The following RAPGEF1 variants were observed in gnomAD, a reference collection of about 807,000 sequenced individuals.
RAPGEF1 encodes the protein CRK SH3-binding GNRP.
RAPGEF1 carries 33 observed loss-of-function variants against 143.3 expected under a neutral mutation model. That is an observed-to-expected ratio of 0.23 (90% CI 0.17 to 0.31). The LOEUF is 0.31. RAPGEF1 is among the 10% of genes least tolerant of loss of function. The pLI is 1.00. For missense variants in RAPGEF1, 1,199 were observed against 1,645.4 expected, an observed-to-expected ratio of 0.73 and a Z score of 4.69; for synonymous variants, 629 against 676.5, an observed-to-expected ratio of 0.93 and a Z score of 1.09.
chr9:131,600,902 T>TC (rs1956157425), intron 15 of RAPGEF1, among the ~76,000 whole-genome samples: 1 of 152,086 alleles, frequency 6.6e-6, no homozygotes, highest in Admixed American at 6.6e-5. Flanking sequence ...ACGCCTGTAA[T>TC]CCCAGCACTT....
chr9:131,588,713 G>T, intron 20 of RAPGEF1, 88 bp downstream of exon 20: 1 of 1,360,534 alleles, frequency 7.4e-7, no homozygotes, highest in South Asian at 1.4e-5. Flanking sequence ...AACCAGGATG[G>T]GGCTGTGGGG....
intron 4 of RAPGEF1, among the ~76,000 whole-genome samples, chr9:131,639,467 T>TGTGTGA (rs1233904740): frequency 2.0e-4 from 28 of 143,334 alleles, no homozygotes; most frequent in African/African-American, 5.5e-4. Context: ...TGTGTGTGTG[T>TGTGTGA]GAGAGAGAGA....
At chr9:131,688,350 T>C (rs78323150) in intron 1 of RAPGEF1, among the ~76,000 whole-genome samples, 2,538 of 152,324 alleles carry the variant, frequency 0.017, 61 homozygotes, top group African/African-American at 0.044. Flanking sequence ...CAATTCACTG[T>C]TTATACATAA....
rs1203959931 is a variant in RAPGEF1 at position 131,638,687 on chromosome 9, T to C, written c.599A>G (p.Glu200Gly). The change falls in exon 5 of 27, where the codon GAG (glutamate) becomes GGG (glycine). Residue 200 changes from glutamate (E) to glycine (G), a missense_variant. Glu to Gly is a moderately conservative substitution (Grantham distance 98). Transcript: ENST00000683357. ...MLEGVNSEDK[E>G]MVTTVKGVIK... ...GACCCCCTTCACAGTCGTCACCATC[T>C]CCTTGTCTTCTGAGTTCACGCCTTC... The C allele has an allele frequency of 6.2e-7, 1 of 1,613,994 alleles. No homozygotes were observed. Among genetic ancestry groups the C allele is most frequent in the Admixed American group, 1.7e-5 (1 of 60,022 alleles).
At chr9:131,632,130 T>C (rs1364343931) in intron 5 of RAPGEF1, among the ~76,000 whole-genome samples, 1 of 145,688 alleles carries the variant, frequency 6.9e-6, no homozygotes, top group Admixed American at 6.9e-5. Flanking sequence ...ATTGAGACTC[T>C]CTCTTTTTTT....
At chr9:131,633,239 C>T (rs559138396) in intron 5 of RAPGEF1, among the ~76,000 whole-genome samples, 1 of 152,322 alleles carries the variant, frequency 6.6e-6, no homozygotes, top group South Asian at 2.1e-4. Flanking sequence ...GGAGAGACTA[C>T]ACAATCAGTG....
At chr9:131,586,217 C>T (rs572685418) in intron 22 of RAPGEF1, among the ~76,000 whole-genome samples, 1 of 148,304 alleles carries the variant, frequency 6.7e-6, no homozygotes, top group Non-Finnish European at 1.5e-5. Flanking sequence ...CACGCACGCA[C>T]ACACACACAC....
intron 12 of RAPGEF1, among the ~76,000 whole-genome samples, chr9:131,608,691 C>T (rs1957510344): frequency 6.6e-6 from 1 of 152,202 alleles, no homozygotes; most frequent in East Asian, 1.9e-4. Context: ...GGAAAGGTAC[C>T]TTCACGGGGC....
chr9:131,654,544 T>C (rs1971957060), intron 1 of RAPGEF1, among the ~76,000 whole-genome samples: 1 of 151,866 alleles, frequency 6.6e-6, no homozygotes, highest in Non-Finnish European at 1.5e-5. Context: ...TGTCTCTACC[T>C]ACAAAATATT....
chr9:131,585,984 C>T (rs796434947), intron 22 of RAPGEF1, among the ~76,000 whole-genome samples: 27 of 151,982 alleles, frequency 1.8e-4, no homozygotes, highest in African/African-American at 6.5e-4. Context: ...TTGAGACCAC[C>T]CTGGCTAACA....
chr9:131,715,826 C>T (rs2131245509), intron 1 of RAPGEF1, among the ~76,000 whole-genome samples: 1 of 146,320 alleles, frequency 6.8e-6, no homozygotes, highest in Non-Finnish European at 1.5e-5. Context: ...GATTGCACCA[C>T]TGCACTCCAG....
At position 131,628,619 on chromosome 9, in the gene RAPGEF1, C is replaced by A; in HGVS notation, c.947G>T (p.Arg316Leu). 5.0e-6 allele frequency: 8 copies of A among 1,613,068 alleles called. No homozygotes were observed. Among genetic ancestry groups the A allele is most frequent in the Non-Finnish European group, 6.8e-6 (8 of 1,179,196 alleles). Reference sequence around the variant, plus strand: ...GCTCATGGGGGCCACCACAGCCACTCGGGTAGGGGACGGCGCCGACTGTCT... The same window carrying A: ...GCTCATGGGGGCCACCACAGCCACTAGGGTAGGGGACGGCGCCGACTGTCT... ...KKRQSAPSPT[R>L]VAVVAPMSRA... Residue 316 changes from arginine to leucine, a missense_variant, in exon 8 of 27, where the codon CGA becomes CTA. Physicochemically the swap from Arg to Leu is moderately radical, Grantham distance 102. Coordinates refer to ENST00000683357, the MANE Select transcript of RAPGEF1 (RefSeq NM_001377935.1). The surrounding 1 kb of genome is among the most constrained non-coding windows in gnomAD (Gnocchi z 5.7).
At chr9:131,615,340 C>T (rs1465292537) in intron 12 of RAPGEF1, among the ~76,000 whole-genome samples, 1 of 152,186 alleles carries the variant, frequency 6.6e-6, no homozygotes, top group African/African-American at 2.4e-5. Flanking sequence ...TCCCAAAGTG[C>T]TGGGATTGCA....
chr9:131,639,437 A>AGTGTGTGTGTGT (rs3837234), intron 4 of RAPGEF1, among the ~76,000 whole-genome samples: 2,219 of 149,154 alleles, frequency 0.015, 52 homozygotes, highest in South Asian at 0.053. Flanking sequence ...AACGCAGGTG[A>AGTGTGTGTGTGT]GTGTGTGTGT....
chr9:131,703,430 G>A (rs1338664220), intron 1 of RAPGEF1, among the ~76,000 whole-genome samples: 1 of 152,110 alleles, frequency 6.6e-6, no homozygotes, highest in Non-Finnish European at 1.5e-5. Flanking sequence ...TCTGTATGTG[G>A]CCTAAAAGCA....
At chr9:131,590,504 C>T (rs1409060494) in intron 18 of RAPGEF1, among the ~76,000 whole-genome samples, 3 of 152,216 alleles carry the variant, frequency 2.0e-5, no homozygotes, top group Admixed American at 6.5e-5. Flanking sequence ...AGCTGCAGCA[C>T]GCTCCACATT....
intron 3 of RAPGEF1, among the ~76,000 whole-genome samples, chr9:131,644,987 T>A (rs1252560973): frequency 6.6e-6 from 1 of 152,234 alleles, no homozygotes; most frequent in African/African-American, 2.4e-5. Context: ...TCCTGCAGAC[T>A]AGAAGACACA....
chr9:131,698,811 T>G (rs1405010671), intron 1 of RAPGEF1, among the ~76,000 whole-genome samples: 1 of 152,300 alleles, frequency 6.6e-6, no homozygotes, highest in East Asian at 1.9e-4. Context: ...CAGCAGCTGA[T>G]TGTAGACACT....
At chr9:131,605,320 C>T in intron 12 of RAPGEF1, 132 bp from the exon 13 acceptor site, 3 of 810,906 alleles carry the variant, frequency 3.7e-6, no homozygotes, top group Non-Finnish European at 3.4e-6. Context: ...ACCAATCACG[C>T]CAAGCAACCC....
Sources: allele counts gnomAD v4.1 joint callset (sites outside exome capture counted in the v4.1 genomes callset), GRCh38; gene constraint gnomAD v4.1.1; non-coding constraint Gnocchi (gnomAD v3.1); transcripts MANE v1.5; gene names NCBI Gene and HGNC (gene_info 2026-07-23, HGNC 2026-07-21).